The following SOX6 variants were observed in gnomAD, a reference collection of about 807,000 sequenced individuals.
SOX6 encodes the protein transcription factor SOX-6.
In SOX6, 11 loss-of-function variants were observed where a neutral mutation model predicts 97.8. That is an observed-to-expected ratio of 0.11 (90% confidence interval 0.07 to 0.19). SOX6 has a LOEUF of 0.19. SOX6 is among the 10% of genes least tolerant of loss of function. The pLI, the probability that SOX6 is intolerant of heterozygous loss-of-function variation, is 1.00. For missense variants in SOX6, 810 were observed against 1,039.5 expected (o/e 0.78, Z 3.04); for synonymous variants, 360 against 371.4 (o/e 0.97, Z 0.35).
intron 5 of SOX6, 126 bp from the exon 6 acceptor site, chr11:16,184,080 TGA>T: frequency 1.2e-6 from 1 of 847,192 alleles, no homozygotes; most frequent in Non-Finnish European, 1.9e-6. Context: ...TCCTATAAAA[TGA>T]GAGAGGCCAA....
chr11:16,621,042 ATATT>A (rs1848538781), intron 3 of SOX6, among the ~76,000 whole-genome samples: 1 of 152,204 alleles, frequency 6.6e-6, no homozygotes, highest in Non-Finnish European at 1.5e-5. Flanking sequence ...TTGTGTGCCT[ATATT>A]TGGAAGAGCA....
intron 12 of SOX6, among the ~76,000 whole-genome samples, chr11:16,029,272 G>A (rs182831304): frequency 2.6e-4 from 39 of 152,274 alleles, no homozygotes. Flanking sequence ...CTTCTGCCCA[G>A]ATAAGGAGAA....
Position 16,605,137 on chromosome 11 carries a change from G to A in SOX6, n.609+6944C>T, listed in dbSNP as rs1284829505. Among the ~76,000 whole-genome samples the A allele has an allele frequency of 6.6e-6, 1 of 151,962 alleles. No individual in the cohort carries two copies. The highest frequency in any genetic ancestry group is 1.5e-5 in the Non-Finnish European group (1 of 67,962). On this transcript the variant is annotated intron_variant and non_coding_transcript_variant, in intron 4 of 5. Transcript: ENST00000524520. This position sits in a 1 kb window ranked among gnomAD's most constrained non-coding sequence, Gnocchi z 5.3. ...GCCCCCTGCCCTGGGCCGAGCCCGG[G>A]AGCAGCGGACCGCGGCCCCGGCTGC...
chr11:16,603,801 A>G (rs1489236363), intron 4 of SOX6, among the ~76,000 whole-genome samples: 4 of 152,146 alleles, frequency 2.6e-5, no homozygotes, highest in Admixed American at 1.3e-4. Context: ...AGAAGATAAA[A>G]TAGGAAGAGA....
chr11:16,690,747 T>A (rs1454958940), intron 3 of SOX6, among the ~76,000 whole-genome samples: 2 of 152,252 alleles, frequency 1.3e-5, no homozygotes, highest in African/African-American at 2.4e-5. Context: ...TTACTTAAAC[T>A]CTATTACATC....
At chr11:16,189,665 G>A (rs1459045242) in intron 4 of SOX6, among the ~76,000 whole-genome samples, 2 of 148,664 alleles carry the variant, frequency 1.3e-5, no homozygotes, top group African/African-American at 5.0e-5. Context: ...GAGTGATATG[G>A]TCATTTTGGT....
chr11:16,641,317 C>G (rs1360802624), intron 3 of SOX6, among the ~76,000 whole-genome samples: 1 of 152,090 alleles, frequency 6.6e-6, no homozygotes, highest in Non-Finnish European at 1.5e-5. Context: ...CCGAGGAGTG[C>G]TTTACTTCCA....
chr11:16,568,755 CT>C (rs1383733066), intron 4 of SOX6, among the ~76,000 whole-genome samples: 2 of 152,148 alleles, frequency 1.3e-5, no homozygotes, highest in Non-Finnish European at 2.9e-5. Context: ...TCCAACAGCC[CT>C]TTATTCATTA....
intron 4 of SOX6, among the ~76,000 whole-genome samples, chr11:16,557,076 T>C (rs1194037041): frequency 1.3e-5 from 2 of 151,826 alleles, no homozygotes; most frequent in Non-Finnish European, 3.0e-5. Flanking sequence ...TCTTATTAAA[T>C]ACTTTGATCA....
At chr11:16,414,229 C>G (rs1554965830) in intron 1 of SOX6, among the ~76,000 whole-genome samples, 1 of 152,104 alleles carries the variant, frequency 6.6e-6, no homozygotes, top group Non-Finnish European at 1.5e-5. Flanking sequence ...TTTCCCCCAC[C>G]AAAAGCTCCA....
chr11:16,022,331 T>TTCCTTCTTTCCTTCC (rs1855085967), intron 12 of SOX6, among the ~76,000 whole-genome samples: 1 of 113,790 alleles, frequency 8.8e-6, no homozygotes, highest in Non-Finnish European at 1.8e-5. Context: ...TCCTTCCTTC[T>TTCCTTCTTTCCTTCC]TTCCTTCCTT....
intron 3 of SOX6, among the ~76,000 whole-genome samples, chr11:16,627,116 C>T (rs1848633437): frequency 6.6e-6 from 1 of 152,146 alleles, no homozygotes; most frequent in Non-Finnish European, 1.5e-5. Flanking sequence ...GGATAATGAC[C>T]TCCAGCTACA....
At chr11:16,694,546 G>C (rs576508477) in intron 3 of SOX6, among the ~76,000 whole-genome samples, 1 of 152,174 alleles carries the variant, frequency 6.6e-6, no homozygotes, top group Admixed American at 6.5e-5. Context: ...ATAAATAAAA[G>C]ATCATTCCTA....
intron 6 of SOX6, among the ~76,000 whole-genome samples, chr11:16,124,440 G>C (rs1226936211): frequency 6.6e-6 from 1 of 152,068 alleles, no homozygotes; most frequent in Non-Finnish European, 1.5e-5. Context: ...AGAGTATGAA[G>C]AATGAAAGGC....
chr11:16,461,966 G>T (rs1565153590), intron 1 of SOX6, among the ~76,000 whole-genome samples: 1 of 152,164 alleles, frequency 6.6e-6, no homozygotes, highest in Non-Finnish European at 1.5e-5. Context: ...TAATACATTT[G>T]CGTTTGTTTC....
intron 3 of SOX6, among the ~76,000 whole-genome samples, chr11:16,308,853 TAA>T (rs1855513814): frequency 6.6e-6 from 1 of 152,152 alleles, no homozygotes; most frequent in Admixed American, 6.6e-5. Flanking sequence ...AAAGGAGGGC[TAA>T]AGACATTCAG....
At chr11:16,424,526 G>GTAGAGGGAATCCTCTA (rs1859086685) in intron 1 of SOX6, among the ~76,000 whole-genome samples, 1 of 152,234 alleles carries the variant, frequency 6.6e-6, no homozygotes, top group South Asian at 2.1e-4. Context: ...GGAATCCTCT[G>GTAGAGGGAATCCTCTA]TAGAGGGAAT....
At chr11:16,000,948 C>T (rs966960112) in intron 13 of SOX6, among the ~76,000 whole-genome samples, 60 of 152,116 alleles carry the variant, frequency 3.9e-4, no homozygotes, top group Non-Finnish European at 5.7e-4. Context: ...CCTCTGCCTC[C>T]TGGATTCAAG....
intron 1 of SOX6, among the ~76,000 whole-genome samples, chr11:16,390,657 A>T (rs1469147191): frequency 6.6e-6 from 1 of 152,124 alleles, no homozygotes; most frequent in Non-Finnish European, 1.5e-5. Flanking sequence ...CTCAACTGTC[A>T]CCTACTCCAT....
Sources: allele counts gnomAD v4.1 joint callset (sites outside exome capture counted in the v4.1 genomes callset), GRCh38; gene constraint gnomAD v4.1.1; non-coding constraint Gnocchi (gnomAD v3.1); transcripts MANE v1.5; gene names NCBI Gene and HGNC (gene_info 2026-07-23, HGNC 2026-07-21).